TRPM1: variants seen among roughly 807,000 people sequenced by gnomAD.
TRPM1 encodes the protein transient receptor potential cation channel subfamily M member 1.
A neutral mutation model predicts 149.4 loss-of-function variants in TRPM1; 113 were observed. That is an observed-to-expected ratio of 0.76 (90% confidence interval 0.65 to 0.88). The LOEUF (loss-of-function observed/expected upper bound fraction) is 0.88, where lower values mean the gene tolerates loss of function less well. Among genes scored for constraint, TRPM1 ranks in the 40% least tolerant of loss-of-function variants. The pLI, the probability that TRPM1 is intolerant of heterozygous loss-of-function variation, is 0.00. For synonymous variants in TRPM1, 741 were observed against 759.5 expected, an observed-to-expected ratio of 0.98 and a Z score of 0.40; for missense variants, 1,976 against 2,038.7, an observed-to-expected ratio of 0.97 and a Z score of 0.59.
chr15:31,070,192 G>A lies in TRPM1; in HGVS notation c.118C>T (p.Pro40Ser), dbSNP rs1263694685. 2 of 1,613,932 alleles carry A rather than the reference G, an allele frequency of 1.2e-6. No individual in the cohort carries two copies. Among genetic ancestry groups the A allele is most frequent in the African/African-American group, 1.3e-5 (1 of 75,000 alleles). The change falls in exon 4 of 28, where the codon CCC (proline) becomes TCC (serine). Residue 40 changes from proline to serine, a missense_variant. Around this residue, in one of 3 missense-constraint regions of TRPM1, gnomAD observed 1,332 missense variants for 1,347.1 expected, o/e 0.99. Coordinates refer to ENST00000256552, the MANE Select transcript of TRPM1 (RefSeq NM_001252024.2). Reference protein sequence around the residue: ...CCGQFTNQHIPPLPSATPSKN... With the variant: ...CCGQFTNQHISPLPSATPSKN... ...CTGGGTGTTGCACTTGGCAGAGGGG[G>A]GATATGCTGGTTGGTGAACTGGCCA... is the stretch of plus-strand genomic sequence containing the variant.
At chr15:31,071,613 C>T (rs2034541752) in intron 3 of TRPM1, among the ~76,000 whole-genome samples, 1 of 151,950 alleles carries the variant, frequency 6.6e-6, no homozygotes, top group South Asian at 2.1e-4. Context: ...CTTTCTCTCT[C>T]TCTTTTTTCC....
chr15:31,144,745 C>T (rs146703062), intron 1 of TRPM1, among the ~76,000 whole-genome samples: 13,989 of 121,040 alleles, frequency 0.12, 690 homozygotes, highest in South Asian at 0.15. Flanking sequence ...GACATAGTTT[C>T]GCTCTTGTTG....
Position 31,115,195 on chromosome 15 carries a change from T to C in TRPM1, c.55-38211A>G, listed in dbSNP as rs936875481. On this transcript the variant is annotated intron_variant, in intron 1 of 26. Coordinates refer to the TRPM1 transcript ENST00000542188. ...ATCGTCTGAACCCAGGAGGCGACCA[T>C]GTCAGTGAGCCAAGATCGCGCCACT... is the stretch of plus-strand genomic sequence containing the variant. Among the ~76,000 whole-genome samples the C allele has an allele frequency of 7.9e-5, 12 of 152,092 alleles. No individual in the cohort carries two copies. In the East Asian group the frequency reaches 1.5e-3, roughly 20 times the overall value.
intron 27 of TRPM1, among the ~76,000 whole-genome samples, chr15:31,025,237 G>T (rs1378534508): frequency 6.6e-6 from 1 of 152,180 alleles, no homozygotes; most frequent in Non-Finnish European, 1.5e-5. Flanking sequence ...CACGTTGTTA[G>T]TGAAACCCTT....
chr15:31,046,397 G>A (rs2033764916), intron 15 of TRPM1, among the ~76,000 whole-genome samples, 164 bp from the exon 16 acceptor site: 2 of 152,198 alleles, frequency 1.3e-5, no homozygotes, highest in Admixed American at 6.5e-5. Context: ...CTTTAATATA[G>A]AAACTCTTCT....
At chr15:31,097,606 C>T (rs2035419390) in intron 1 of TRPM1, among the ~76,000 whole-genome samples, 1 of 152,256 alleles carries the variant, frequency 6.6e-6, no homozygotes. Context: ...AACCAATTAA[C>T]GACGTACCAA....
At chr15:31,008,213 T>TAA (rs2032063780) in intron 27 of TRPM1, among the ~76,000 whole-genome samples, 1 of 152,218 alleles carries the variant, frequency 6.6e-6, no homozygotes, top group Non-Finnish European at 1.5e-5. Context: ...TTGCATGGCC[T>TAA]AAGACTTCCA....
intron 9 of TRPM1, 109 bp from the exon 10 acceptor site, chr15:31,061,623 G>T (rs975658438): frequency 5.7e-6 from 5 of 883,134 alleles, no homozygotes; most frequent in Non-Finnish European, 9.4e-6. Context: ...ATGATCCTGA[G>T]CACTAAACAG....
intron 27 of TRPM1, among the ~76,000 whole-genome samples, chr15:31,008,307 C>A (rs2032066544): frequency 6.6e-6 from 1 of 152,144 alleles, no homozygotes; most frequent in Non-Finnish European, 1.5e-5. Flanking sequence ...ACCATGTTAG[C>A]TATAGATTTT....
chr15:31,143,410 T>C (rs1017945185), intron 1 of TRPM1, among the ~76,000 whole-genome samples: 5 of 152,204 alleles, frequency 3.3e-5, no homozygotes, highest in African/African-American at 1.2e-4. Context: ...TGTTTTGTTT[T>C]GTTTTGTTTT....
chr15:31,051,010 G>T (rs1312060320), intron 11 of TRPM1, among the ~76,000 whole-genome samples: 2 of 152,240 alleles, frequency 1.3e-5, no homozygotes, highest in African/African-American at 4.8e-5. Context: ...GGGAAAAAGT[G>T]ATTGTGAAGG....
At chr15:31,027,182 C>A (rs1478747252) in intron 25 of TRPM1, 65 bp from the exon 26 acceptor site, 5 of 1,472,416 alleles carry the variant, frequency 3.4e-6, no homozygotes, top group South Asian at 1.2e-5. Flanking sequence ...CCAGAGCAGT[C>A]AAAGTTACTC....
Position 31,042,205 on chromosome 15 carries a change from C to T in TRPM1, c.1833G>A (p.Lys611=). Residue 611 remains lysine, a synonymous_variant, in exon 17 of 28, where the codon AAG becomes AAA. Transcript: ENST00000256552. ...EPPAKGKKKK[K]KKKEEEIDID... ...TGTCGATCTCTTCCTCCTTTTTCTT[C>T]TTTTTCTTTTTCTTCCCTTTAGCTG... 6.2e-7 allele frequency: 1 copy of T among 1,603,218 alleles called. No homozygotes were observed. The highest frequency in any genetic ancestry group is 8.5e-7 in the Non-Finnish European group (1 of 1,174,774).
chr15:31,075,791 T>A (rs1271794632), intron 3 of TRPM1, among the ~76,000 whole-genome samples: 1 of 152,216 alleles, frequency 6.6e-6, no homozygotes, highest in African/African-American at 2.4e-5. Context: ...TTACTGAATT[T>A]TTGCTGGCTT....
At chr15:31,148,880 G>A (rs1380121493) in intron 1 of TRPM1, among the ~76,000 whole-genome samples, 1 of 152,158 alleles carries the variant, frequency 6.6e-6, no homozygotes, top group African/African-American at 2.4e-5. Flanking sequence ...CCCTAGGCAT[G>A]CTGGGAGCCA....
intron 27 of TRPM1, among the ~76,000 whole-genome samples, chr15:31,014,120 A>G (rs935000964): frequency 6.6e-6 from 1 of 152,164 alleles, no homozygotes; most frequent in African/African-American, 2.4e-5. Flanking sequence ...AATTCCCAGG[A>G]ATGTGTTAGA....
At chr15:31,058,186 A>G (rs1019030309) in intron 11 of TRPM1, among the ~76,000 whole-genome samples, 1 of 14,846 alleles carries the variant, frequency 6.7e-5, no homozygotes, top group Non-Finnish European at 1.7e-4. Flanking sequence ...AAAAATACTT[A>G]AAAAAAAAAA....
At chr15:31,134,806 A>C (rs1270256628) in intron 1 of TRPM1, among the ~76,000 whole-genome samples, 1 of 152,252 alleles carries the variant, frequency 6.6e-6, no homozygotes, top group African/African-American at 2.4e-5. Flanking sequence ...GTTTGAGACC[A>C]GCCTGACCAA....
At chr15:31,056,568 G>T (rs1368779872) in intron 11 of TRPM1, among the ~76,000 whole-genome samples, 1 of 152,152 alleles carries the variant, frequency 6.6e-6, no homozygotes, top group African/African-American at 2.4e-5. Flanking sequence ...TAATTGCTGT[G>T]GTTTGAAAGT....
Sources: gnomAD v4.1 joint callset for allele counts (sites outside exome capture counted in the v4.1 genomes callset) on GRCh38, gnomAD v4.1.1 for gene constraint, gnomAD v4.1.1 regional missense constraint, MANE v1.5 for transcripts, NCBI Gene and HGNC (gene_info 2026-07-23, HGNC 2026-07-21) for gene names.